The following SLC4A4 variants were observed in gnomAD, a reference collection of about 807,000 sequenced individuals.
SLC4A4 encodes electrogenic sodium bicarbonate cotransporter 1.
A neutral mutation model predicts 111.5 loss-of-function variants in SLC4A4; 27 were observed. That is an observed-to-expected ratio of 0.24 (90% confidence interval 0.18 to 0.33). The LOEUF (loss-of-function observed/expected upper bound fraction) is 0.33, where lower values mean the gene tolerates loss of function less well. Ranked by LOEUF, SLC4A4 falls within the 10% of genes least tolerant of loss-of-function variation. The pLI is 1.00. For synonymous variants in SLC4A4, 443 were observed against 463.4 expected (o/e 0.96, Z 0.57); for missense variants, 909 against 1,315.5 (o/e 0.69, Z 4.78).
At chr4:71,343,720 G>A (rs773215623) in intron 4 of SLC4A4, among the ~76,000 whole-genome samples, 25 of 152,182 alleles carry the variant, frequency 1.6e-4, no homozygotes, top group Non-Finnish European at 2.8e-4. Context: ...TGAGATTGCT[G>A]CAGATGGCTC....
At chr4:71,425,180 T>C (rs1289847321) in intron 7 of SLC4A4, among the ~76,000 whole-genome samples, 2 of 152,112 alleles carry the variant, frequency 1.3e-5, no homozygotes, top group African/African-American at 2.4e-5. Flanking sequence ...AGCCCTGTCC[T>C]CAGCTCAACA....
intron 3 of SLC4A4, among the ~76,000 whole-genome samples, chr4:71,258,524 T>C (rs958845801): frequency 2.6e-5 from 4 of 152,238 alleles, no homozygotes; most frequent in African/African-American, 7.2e-5. Context: ...CACTTTGTTA[T>C]CTTTGGCGCC....
intron 6 of SLC4A4, among the ~76,000 whole-genome samples, chr4:71,362,742 G>T (rs77530682): frequency 2.0e-5 from 3 of 152,078 alleles, no homozygotes; most frequent in Non-Finnish European, 2.9e-5. Context: ...GTCAGGGGGG[G>T]TCCTAAATCA....
intron 15 of SLC4A4, among the ~76,000 whole-genome samples, chr4:71,495,100 T>G (rs532371461): frequency 6.6e-6 from 1 of 152,028 alleles, no homozygotes; most frequent in African/African-American, 2.4e-5. Context: ...AGTTTCTGGA[T>G]AGTGATACAA....
At chr4:71,092,867 C>A (rs1742425434) in intron 2 of SLC4A4, among the ~76,000 whole-genome samples, 1 of 152,088 alleles carries the variant, frequency 6.6e-6, no homozygotes, top group South Asian at 2.1e-4. Flanking sequence ...GAGGCCGAGG[C>A]TGGCAGATCA....
At chr4:71,476,904 T>C (rs1728426015) in intron 14 of SLC4A4, among the ~76,000 whole-genome samples, 1 of 151,746 alleles carries the variant, frequency 6.6e-6, no homozygotes, top group South Asian at 2.1e-4. Context: ...GGATAGCTAT[T>C]AATTAGTAGA....
intron 3 of SLC4A4, among the ~76,000 whole-genome samples, chr4:71,283,117 C>T (rs946821124): frequency 2.0e-5 from 3 of 152,160 alleles, no homozygotes; most frequent in African/African-American, 7.2e-5. Flanking sequence ...TTATGATCAC[C>T]CAAAACTGTG....
At chr4:71,115,103 G>A (rs1277595117) in intron 2 of SLC4A4, among the ~76,000 whole-genome samples, 8 of 148,300 alleles carry the variant, frequency 5.4e-5, no homozygotes, top group African/African-American at 7.5e-5. Flanking sequence ...ACCAAACACC[G>A]CATATTCTCC....
At chr4:71,340,837 C>CAT (rs1230098562) in intron 4 of SLC4A4, among the ~76,000 whole-genome samples, 1 of 152,042 alleles carries the variant, frequency 6.6e-6, no homozygotes, top group Non-Finnish European at 1.5e-5. Context: ...TATAATGTCA[C>CAT]ATATATACAT....
intron 5 of SLC4A4, among the ~76,000 whole-genome samples, chr4:71,355,613 T>C (rs1173885350): frequency 6.6e-6 from 1 of 152,214 alleles, no homozygotes; most frequent in South Asian, 2.1e-4. Context: ...TGATGGAAAA[T>C]CCTGGATTCA....
intron 3 of SLC4A4, among the ~76,000 whole-genome samples, chr4:71,320,384 C>T (rs948388251): frequency 1.1e-4 from 17 of 152,018 alleles, no homozygotes; most frequent in African/African-American, 4.1e-4. Context: ...TGCACTGTGG[C>T]CTCCTCTTGT....
intron 1 of SLC4A4, among the ~76,000 whole-genome samples, chr4:71,232,059 C>T (rs889548146): frequency 1.3e-5 from 2 of 152,144 alleles, no homozygotes; most frequent in Non-Finnish European, 2.9e-5. Flanking sequence ...GGAGTGAGGG[C>T]TGCTCTGGAG....
At chr4:71,461,813 C>T (rs1726854767) in intron 12 of SLC4A4, among the ~76,000 whole-genome samples, 1 of 152,126 alleles carries the variant, frequency 6.6e-6, no homozygotes, top group Non-Finnish European at 1.5e-5. Flanking sequence ...GAAAAATATT[C>T]ACAAATGTTT....
At chr4:71,477,816 G>T in intron 14 of SLC4A4, among the ~76,000 whole-genome samples, 2 of 151,334 alleles carry the variant, frequency 1.3e-5, no homozygotes, top group African/African-American at 4.9e-5. Context: ...TTTTCTGAGG[G>T]CCTGTTTCAC....
At chr4:71,473,689 G>A (rs951518782) in intron 14 of SLC4A4, among the ~76,000 whole-genome samples, 1 of 151,612 alleles carries the variant, frequency 6.6e-6, no homozygotes, top group African/African-American at 2.4e-5. Context: ...GTTGACATCA[G>A]AACTTTTTCA....
chr4:71,087,048 G>T (rs1223241335), intron 1 of SLC4A4, among the ~76,000 whole-genome samples: 1 of 151,928 alleles, frequency 6.6e-6, no homozygotes, highest in African/African-American at 2.4e-5. Context: ...ACTTTTTTTG[G>T]TTGGTAAGCT....
At chr4:71,478,529 G>C (rs1050191439) in intron 14 of SLC4A4, among the ~76,000 whole-genome samples, 10 of 151,068 alleles carry the variant, frequency 6.6e-5, no homozygotes, top group Non-Finnish European at 1.2e-4. Flanking sequence ...AATACCACAC[G>C]TTCTCTCTCA....
intron 2 of SLC4A4, among the ~76,000 whole-genome samples, chr4:71,116,148 C>A (rs1743239295): frequency 6.6e-6 from 1 of 152,190 alleles, no homozygotes; most frequent in Admixed American, 6.5e-5. Context: ...ACTGCCTTGG[C>A]CTCCCAAAGT....
intron 2 of SLC4A4, among the ~76,000 whole-genome samples, chr4:71,097,275 T>C (rs1742584941): frequency 2.0e-5 from 3 of 152,302 alleles, no homozygotes; most frequent in African/African-American, 7.2e-5. Flanking sequence ...ACACGTGGTA[T>C]TTGGTGTTTT....
Sources: gnomAD v4.1 joint callset for allele counts (sites outside exome capture counted in the v4.1 genomes callset) on GRCh38, gnomAD v4.1.1 for gene constraint, MANE v1.5 for transcripts, NCBI Gene and HGNC (gene_info 2026-07-23, HGNC 2026-07-21) for gene names.